Variants in ALG8 observed in about 807,000 individuals in gnomAD.
The protein encoded by ALG8 is ALG8 alpha-1,3-glucosyltransferase, also known as dolichyl pyrophosphate Glc1Man9GlcNAc2 alpha-1,3-glucosyltransferase.
A neutral mutation model predicts 70.2 loss-of-function variants in ALG8; 48 were observed. The observed-to-expected ratio is 0.68, with a 90% confidence interval of 0.54 to 0.87. The LOEUF is 0.87. Among genes scored for constraint, ALG8 ranks in the 40% least tolerant of loss-of-function variants. ALG8 has a pLI of 0.00. For missense variants in ALG8, 572 were observed against 608.7 expected, an observed-to-expected ratio of 0.94 and a Z score of 0.64; for synonymous variants, 234 against 229.0, an observed-to-expected ratio of 1.02 and a Z score of -0.20.
rs1205097570 is a variant in ALG8 at position 78,104,393 on chromosome 11, T to C, written c.1239A>G (p.Gly413=). Residue 413 remains glycine, a synonymous_variant, in exon 11 of 13, where the codon GGA becomes GGG. Coordinates refer to ENST00000299626, the MANE Select transcript of ALG8 (RefSeq NM_024079.5). ...AGAGCAGAGGAAAGAGGGAATAATGTCCTGTTGTGGTCAGAATCAGAAAAA... is the reference window on the plus strand; with the variant it reads ...AGAGCAGAGGAAAGAGGGAATAATGCCCTGTTGTGGTCAGAATCAGAAAAA... ...ASIFLILTTT[G]HYSLFPLLFT... 2 of 1,601,422 alleles carry C rather than the reference T, an allele frequency of 1.2e-6. No individual in the cohort carries two copies. Among genetic ancestry groups the C allele is most frequent in the African/African-American group, 2.7e-5 (2 of 74,810 alleles).
rs193160115 is a variant in ALG8, at chr11:78,127,043, G to A, written c.174+315C>T. Among the ~76,000 whole-genome samples, 297 of 151,650 alleles carry A rather than the reference G, an allele frequency of 2.0e-3. 2 individuals are homozygous for A. Among genetic ancestry groups the A allele is most frequent in the African/African-American group, 6.7e-3 (279 of 41,340 alleles). On this transcript the variant is annotated intron_variant, in intron 2 of 12. Transcript: ENST00000299626. ...CACCCAGGCTGGAGTGCAGTGGCGC[G>A]ATCTCGGCTCACTGCAACCTCCGCC...
intron 1 of ALG8, among the ~76,000 whole-genome samples, chr11:78,128,729 GCCA>G (rs1416105478): frequency 6.6e-6 from 1 of 151,022 alleles, no homozygotes; most frequent in Admixed American, 6.6e-5. Flanking sequence ...CCCTGCCCCA[GCCA>G]CCCAAGTAGC....
intron 5 of ALG8, 69 bp from the exon 6 acceptor site, chr11:78,114,461 T>C (rs932544675): frequency 3.1e-5 from 49 of 1,570,140 alleles, no homozygotes; most frequent in Middle Eastern, 1.8e-4. Flanking sequence ...TGTGGTATTC[T>C]AGATTGAATC....
chr11:78,139,434 TCCCGCCCTGACCGACCGCGGGGCCTC>T, intron 1 of ALG8, 34 bp downstream of exon 1: 1 of 1,512,500 alleles, frequency 6.6e-7, no homozygotes, highest in South Asian at 1.2e-5. Flanking sequence ...CACCTTTCTC[TCCCGCCCTGACCGACCGCGGGGCCTC>T]CCCGCCCAGC....
At chr11:78,133,580 T>G (rs1247994644) in intron 1 of ALG8, 1 of 152,122 alleles carries the variant, frequency 6.6e-6, no homozygotes, top group African/African-American at 2.4e-5. Context: ...TCACATGAAT[T>G]TTTTGATTTC....
intron 12 of ALG8, 119 bp from the exon 13 acceptor site, chr11:78,101,314 CAG>C: frequency 1.2e-6 from 1 of 845,600 alleles, no homozygotes. Flanking sequence ...TAGCCAAGGC[CAG>C]AGTCAAGAGT....
intron 8 of ALG8, among the ~76,000 whole-genome samples, chr11:78,110,548 A>C (rs140673454): frequency 6.6e-6 from 1 of 152,298 alleles, no homozygotes; most frequent in Non-Finnish European, 1.5e-5. Flanking sequence ...TTATGTGCTC[A>C]TTTCCTCTAC....
In ALG8 at chr11:78,104,348, C is replaced by G; in HGVS notation, c.1276+8G>C. 6.3e-7 allele frequency: 1 copy of G among 1,575,720 alleles called. No homozygotes were observed. Among genetic ancestry groups the G allele is most frequent in the African/African-American group, 1.3e-5 (1 of 74,108 alleles). ...TCAAATATATTTTTCTCAGAAGACG[C>G]TGTTTACCTGGTGCAGTGAAGAGCA... On this transcript the variant is annotated splice_region_variant and intron_variant, in intron 11 of 12. Transcript: ENST00000299626.
At chr11:78,114,965 G>A (rs991994977) in intron 5 of ALG8, among the ~76,000 whole-genome samples, 21 of 152,238 alleles carry the variant, frequency 1.4e-4, no homozygotes, top group Non-Finnish European at 2.9e-4. Flanking sequence ...GACAGAGTGA[G>A]ACCCTGTCTC....
intron 9 of ALG8, among the ~76,000 whole-genome samples, chr11:78,108,280 AAAAAACAAAAACAAAAAC>A (rs895083914): frequency 6.6e-6 from 1 of 152,058 alleles, no homozygotes; most frequent in African/African-American, 2.4e-5. Flanking sequence ...CTCCCGTCTC[AAAAAACAAAAACAAAAAC>A]AAAAACAAAA....
chr11:78,109,037 A>G (rs1860167420), intron 9 of ALG8, among the ~76,000 whole-genome samples: 1 of 152,188 alleles, frequency 6.6e-6, no homozygotes, highest in Non-Finnish European at 1.5e-5. Flanking sequence ...CACCATCAAG[A>G]CAAAACATCC....
chr11:78,134,377 A>AGG (rs1370261778), intron 1 of ALG8, among the ~76,000 whole-genome samples: 1 of 151,644 alleles, frequency 6.6e-6, no homozygotes, highest in African/African-American at 2.4e-5. Context: ...ACCTCAGGTG[A>AGG]CCCGCCCGCC....
At chr11:78,114,610 T>C (rs1414944665) in intron 5 of ALG8, 3 of 592,198 alleles carry the variant, frequency 5.1e-6, no homozygotes, top group Non-Finnish European at 9.1e-6. Flanking sequence ...ATAGGAACTC[T>C]CTGTACTATT....
chr11:78,111,804 T>C (rs1860303432), intron 8 of ALG8, among the ~76,000 whole-genome samples: 1 of 152,224 alleles, frequency 6.6e-6, no homozygotes, highest in African/African-American at 2.4e-5. Flanking sequence ...GAGTTATTTT[T>C]AGTAGAACCA....
intron 12 of ALG8, among the ~76,000 whole-genome samples, chr11:78,103,723 A>T (rs1249493242): frequency 1.3e-5 from 2 of 152,212 alleles, no homozygotes; most frequent in Non-Finnish European, 2.9e-5. Flanking sequence ...CATATTTTAC[A>T]TTCAGTTTTT....
chr11:78,119,085 A>G (rs1860707174), intron 5 of ALG8, 97 bp downstream of exon 5: 2 of 916,668 alleles, frequency 2.2e-6, no homozygotes, highest in Non-Finnish European at 1.7e-6. Context: ...AGCTCAAAAC[A>G]GTCAAATAAA....
In ALG8 at chr11:78,139,560, G is replaced by T; in HGVS notation, c.29C>A (p.Thr10Asn). 6.4e-7 allele frequency: 1 copy of T among 1,560,454 alleles called. No individual in the cohort carries two copies. The highest frequency in any genetic ancestry group is 8.7e-7 in the Non-Finnish European group (1 of 1,151,766). MAALTIATG[T>N]GNWFSALALG... ...CGCCAAAGCCGAAAACCAATTGCCA[G>T]TACCCGTGGCAATTGTGAGCGCCGC... is the stretch of plus-strand genomic sequence containing the variant. The change falls in exon 1 of 13, where the codon ACT becomes AAT. Residue 10 changes from threonine (T) to asparagine (N), a missense_variant. Thr to Asn is a moderately conservative substitution (Grantham distance 65, BLOSUM62 0). Coordinates refer to ENST00000299626, the MANE Select transcript of ALG8 (RefSeq NM_024079.5).
chr11:78,105,701 C>T, intron 10 of ALG8, among the ~76,000 whole-genome samples: 1 of 133,632 alleles, frequency 7.5e-6, no homozygotes. Flanking sequence ...TTTATTTTAA[C>T]TATCTTTTTT....
At chr11:78,119,533 A>G (rs911180663) in intron 4 of ALG8, among the ~76,000 whole-genome samples, 1 of 149,276 alleles carries the variant, frequency 6.7e-6, no homozygotes, top group African/African-American at 2.5e-5. Context: ...GGTCCAAGCG[A>G]TTCTCCTGCT....
Sources: gnomAD v4.1 joint callset for allele counts (sites outside exome capture counted in the v4.1 genomes callset) on GRCh38, gnomAD v4.1.1 for gene constraint, MANE v1.5 for transcripts, NCBI Gene and HGNC (gene_info 2026-07-23, HGNC 2026-07-21) for gene names.